Variants in DTNA observed in about 807,000 individuals in gnomAD.
The protein encoded by DTNA is dystrobrevin alpha, also known as dystrophin-related protein 3.
DTNA carries 43 observed loss-of-function variants against 100.7 expected under a neutral mutation model. That is an observed-to-expected ratio of 0.43 (90% CI 0.33 to 0.55). DTNA has a LOEUF of 0.55. DTNA is among the 20% of genes least tolerant of loss of function. The pLI, the probability that DTNA is intolerant of heterozygous loss-of-function variation, is 0.04. For synonymous variants in DTNA, 349 were observed against 347.9 expected (o/e 1.00, Z -0.04); for missense variants, 798 against 953.9 (o/e 0.84, Z 2.15).
intron 17 of DTNA, chr18:34,866,933 C>T (rs1568846169): frequency 2.6e-6 from 3 of 1,157,086 alleles, no homozygotes; most frequent in African/African-American, 1.6e-5. Flanking sequence ...CTGGAGCTGT[C>T]TGAACCTGTG....
rs532248870 is a variant in DTNA at position 34,702,611 on chromosome 18, C to T, written c.-1-53365C>T. On this transcript the variant is annotated intron_variant, in intron 1 of 19. Transcript: ENST00000283365. ...CAGAACCTCAGCACCTATTCTCTCC[C>T]TTGATCTAGCCCCTAGTCCCTTCCC... Among the ~76,000 whole-genome samples, 21 of 152,246 alleles carry T rather than the reference C, an allele frequency of 1.4e-4. No homozygotes were observed. In the South Asian group the frequency reaches 4.1e-3, roughly 30 times the overall value.
intron 1 of DTNA, among the ~76,000 whole-genome samples, chr18:34,692,392 G>GA (rs1266277764): frequency 2.0e-5 from 3 of 151,900 alleles, no homozygotes; most frequent in South Asian, 2.1e-4. Context: ...GTTATTCCGA[G>GA]AAAAAAAACT....
chr18:34,888,526 A>T lies in DTNA; in HGVS notation c.*792A>T. The T allele has an allele frequency of 1.0e-6, 1 of 985,758 alleles. No individual in the cohort carries two copies. Among genetic ancestry groups the T allele is most frequent in the Non-Finnish European group, 1.2e-6 (1 of 829,832 alleles). 61.1% of individuals were successfully genotyped at this position (985,758 alleles called of 1,614,324 possible). Reference sequence around the variant, plus strand: ...TAATCAGCCATAGAATTTAGTGTAAATATTTTTTTTTCCAAATAGATATCA... The same window carrying T: ...TAATCAGCCATAGAATTTAGTGTAATTATTTTTTTTTCCAAATAGATATCA... On this transcript the variant is annotated 3_prime_UTR_variant, in exon 23 of 23. Transcript: ENST00000444659.
chr18:34,766,633 T>C (rs999458967), intron 3 of DTNA, among the ~76,000 whole-genome samples: 6 of 152,088 alleles, frequency 3.9e-5, no homozygotes, highest in Non-Finnish European at 8.8e-5. Flanking sequence ...GTAACAAACC[T>C]GCACATTGTG....
intron 1 of DTNA, among the ~76,000 whole-genome samples, chr18:34,698,250 G>C (rs2080870380): frequency 6.6e-6 from 1 of 152,180 alleles, no homozygotes; most frequent in Non-Finnish European, 1.5e-5. Flanking sequence ...TAGTTTCCTA[G>C]AGTTGCTGTC....
chr18:34,690,497 G>T (rs932099630), intron 1 of DTNA, among the ~76,000 whole-genome samples: 1 of 152,140 alleles, frequency 6.6e-6, no homozygotes, highest in Admixed American at 6.5e-5. Flanking sequence ...AGATGAACTG[G>T]GTACCTCAGT....
In DTNA at chr18:34,504,586, C is replaced by A. The variant is rs568078413; in HGVS notation, c.-2+11072C>A. 1.1e-4 allele frequency among the ~76,000 whole-genome samples: 17 copies of A among 152,094 alleles called. No homozygotes were observed. In the South Asian group the frequency reaches 1.9e-3, roughly 17 times the overall value. ...GAATGTCTTGATTTTTTCTTTCTTC[C>A]TGAAGGATTTTCACTGGACATAAGA... On this transcript the variant is annotated intron_variant, in intron 1 of 19. Transcript: ENST00000283365.
intron 1 of DTNA, among the ~76,000 whole-genome samples, chr18:34,547,363 A>G (rs1425347340): frequency 2.0e-5 from 3 of 152,054 alleles, no homozygotes; most frequent in Non-Finnish European, 4.4e-5. Flanking sequence ...CCCAACGTTC[A>G]TCATAAAGAA....
At chr18:34,615,866 A>C (rs947374508) in intron 1 of DTNA, among the ~76,000 whole-genome samples, 5 of 152,128 alleles carry the variant, frequency 3.3e-5, no homozygotes, top group Non-Finnish European at 7.4e-5. Context: ...GCATTAGTTC[A>C]CTTAGGATAA....
At chr18:34,647,992 A>G (rs2060039714) in intron 1 of DTNA, among the ~76,000 whole-genome samples, 1 of 152,244 alleles carries the variant, frequency 6.6e-6, no homozygotes. Context: ...CAATCAGGGA[A>G]GGTCTTTCTG....
intron 17 of DTNA, chr18:34,866,831 C>T: frequency 8.9e-6 from 9 of 1,014,438 alleles, no homozygotes; most frequent in Non-Finnish European, 1.1e-5. Flanking sequence ...TTTTCCTTAG[C>T]ACCAGAGCCT....
At chr18:34,724,590 T>C (rs1309255639) in intron 1 of DTNA, among the ~76,000 whole-genome samples, 1 of 152,176 alleles carries the variant, frequency 6.6e-6, no homozygotes, top group Admixed American at 6.5e-5. Flanking sequence ...GCATATCACA[T>C]GGCAAGAGAG....
chr18:34,653,807 A>G (rs915469275), intron 1 of DTNA, among the ~76,000 whole-genome samples: 8 of 152,054 alleles, frequency 5.3e-5, no homozygotes, highest in African/African-American at 1.9e-4. Flanking sequence ...GGGTGACAGA[A>G]TGAGACTCCA....
intron 1 of DTNA, chr18:34,679,333 A>C (rs1296210445): frequency 6.6e-6 from 1 of 152,220 alleles, no homozygotes; most frequent in East Asian, 1.9e-4. Flanking sequence ...TAAATTGCAT[A>C]CGTTATTAAT....
rs182466878 is a variant in DTNA at position 34,696,406 on chromosome 18, C to T, written c.-1-59570C>T. Among the ~76,000 whole-genome samples the T allele has an allele frequency of 5.6e-4, 85 of 152,000 alleles. No individual in the cohort carries two copies. In the East Asian group the frequency reaches 6.0e-3, roughly 11 times the overall value. On this transcript the variant is annotated intron_variant, in intron 1 of 19. Coordinates refer to the DTNA transcript ENST00000283365. ...ACCCTGGCCAACATAGTGGAACCCC[C>T]GTCTCTACTAAAAATACAAAAATTA...
chr18:34,663,314 C>T (rs987518311), intron 1 of DTNA, among the ~76,000 whole-genome samples: 10 of 152,102 alleles, frequency 6.6e-5, no homozygotes, highest in South Asian at 2.1e-4. Flanking sequence ...CATGCCACCA[C>T]GCCTGGCTAA....
chr18:34,623,637 C>G (rs2056880205), intron 1 of DTNA, among the ~76,000 whole-genome samples: 1 of 152,128 alleles, frequency 6.6e-6, no homozygotes, highest in Admixed American at 6.5e-5. Context: ...CTCACTCATT[C>G]ACTCATCCAT....
At chr18:34,516,412 C>T (rs186390370) in intron 1 of DTNA, among the ~76,000 whole-genome samples, 105 of 152,108 alleles carry the variant, frequency 6.9e-4, no homozygotes, top group African/African-American at 2.5e-3. Context: ...ACTGGGCACG[C>T]GTTATCATTG....
At chr18:34,850,724 CAAAG>C (rs913359637) in intron 14 of DTNA, among the ~76,000 whole-genome samples, 3 of 152,016 alleles carry the variant, frequency 2.0e-5, no homozygotes, top group African/African-American at 7.2e-5. Flanking sequence ...TACTGTAAGG[CAAAG>C]AAAGCAAGAC....
Sources: gnomAD v4.1 joint callset for allele counts (sites outside exome capture counted in the v4.1 genomes callset) on GRCh38, gnomAD v4.1.1 for gene constraint, MANE v1.5 for transcripts, NCBI Gene and HGNC (gene_info 2026-07-23, HGNC 2026-07-21) for gene names.